Variants in COL27A1 observed in about 807,000 individuals in gnomAD.
The protein encoded by COL27A1 is collagen alpha-1(XXVII) chain.
In COL27A1, 106 loss-of-function variants were observed where a neutral mutation model predicts 251.3. The observed-to-expected ratio is 0.42, with a 90% CI of 0.36 to 0.50. The LOEUF (loss-of-function observed/expected upper bound fraction) is 0.50, where lower values mean the gene tolerates loss of function less well. Among genes scored for constraint, COL27A1 ranks in the 20% least tolerant of loss-of-function variants. COL27A1 has a pLI of 0.00. For synonymous variants in COL27A1, 1,000 were observed against 986.3 expected (o/e 1.01, Z -0.26); for missense variants, 2,325 against 2,522.8 (o/e 0.92, Z 1.68).
chr9:114,252,493 A>G (rs532435542), intron 25 of COL27A1, 100 bp from the exon 26 acceptor site: 3 of 976,110 alleles, frequency 3.1e-6, no homozygotes, highest in South Asian at 1.3e-5. Flanking sequence ...GCAAACCCCT[A>G]CCTCTCTTTG....
chr9:114,258,140 G>GCACT (rs1444884990), intron 27 of COL27A1, among the ~76,000 whole-genome samples: 2 of 152,192 alleles, frequency 1.3e-5, no homozygotes, highest in African/African-American at 2.4e-5. Flanking sequence ...AGGCTGCACT[G>GCACT]CACTCCAGCC....
intron 2 of COL27A1, 98 bp downstream of exon 2, chr9:114,162,883 C>T: frequency 2.6e-6 from 2 of 782,292 alleles, no homozygotes; most frequent in East Asian, 2.5e-5. Context: ...AATTGGAACT[C>T]AATGCCTCAG....
rs920537369 is a variant in COL27A1 at position 114,162,626 on chromosome 9, A to G, written c.63-89A>G. On this transcript the variant is annotated intron_variant, in intron 1 of 60. Coordinates refer to ENST00000356083, the MANE Select transcript of COL27A1 (RefSeq NM_032888.4). Reference sequence around the variant, plus strand: ...TGGGCAGGACTGGGGTGAGACTGGGACTGGTTTCCACTCCCAGCTTCCCCA... The same window carrying G: ...TGGGCAGGACTGGGGTGAGACTGGGGCTGGTTTCCACTCCCAGCTTCCCCA... 4.4e-5 allele frequency: 41 copies of G among 927,538 alleles called. No individual in the cohort carries two copies. In the African/African-American group the frequency reaches 6.4e-4, roughly 14 times the overall value. 57.5% of individuals were successfully genotyped at this position (927,538 alleles called of 1,614,324 possible).
At chr9:114,308,097 A>G (rs1024390881) in intron 59 of COL27A1, among the ~76,000 whole-genome samples, 1 of 152,012 alleles carries the variant, frequency 6.6e-6, no homozygotes, top group Non-Finnish European at 1.5e-5. Context: ...TCAGCATGAA[A>G]TAAAAGAGAA....
intron 44 of COL27A1, 80 bp downstream of exon 44, chr9:114,289,047 T>A: frequency 1.3e-6 from 2 of 1,536,934 alleles, no homozygotes; most frequent in Non-Finnish European, 1.8e-6. Context: ...CTAGGCCCTT[T>A]AAAGCTTAAA....
chr9:114,171,891 C>A (rs1433095072), intron 3 of COL27A1, among the ~76,000 whole-genome samples: 1 of 152,194 alleles, frequency 6.6e-6, no homozygotes, highest in Non-Finnish European at 1.5e-5. Context: ...CCCTGCCCCA[C>A]AGATGATCCA....
At position 114,290,891 on chromosome 9, in the gene COL27A1, G is replaced by A; in HGVS notation, c.4450G>A (p.Gly1484Arg). Residue 1484 changes from glycine to arginine, a missense_variant, in exon 48 of 61, where the codon GGA becomes AGA. Gly to Arg is a moderately radical substitution (Grantham distance 125). This residue lies in a region of COL27A1 where 153 missense variants were observed against 140.7 expected (regional missense o/e 1.09). Transcript: ENST00000356083. The surrounding 1 kb of genome is among the most constrained non-coding windows in gnomAD (Gnocchi z 4.6). ...RGNPGVAGLP[G>R]AQGPPGFKGE... The stretch of plus-strand genomic sequence containing the variant: ...AAATCCAGGTGTGGCCGGCTTACCT[G>A]GAGCACAGGGACCCCCAGGATTCAA... The A allele has an allele frequency of 1.9e-6, 3 of 1,551,584 alleles. No homozygotes were observed. The highest frequency in any genetic ancestry group is 2.6e-6 in the Non-Finnish European group (3 of 1,146,968).
At position 114,278,401 on chromosome 9, in the gene COL27A1, G is replaced by A. The variant is rs980960145; in HGVS notation, c.3717+2633G>A. Reference sequence around the variant, plus strand: ...TGAGGGTGATGATGGTGCTGGTGGCGATGGTGGTGGTGATAGTGATAGTGG... The same window carrying A: ...TGAGGGTGATGATGGTGCTGGTGGCAATGGTGGTGGTGATAGTGATAGTGG... On this transcript the variant is annotated intron_variant, in intron 37 of 60. Transcript: ENST00000356083. 4.0e-4 allele frequency among the ~76,000 whole-genome samples: 38 copies of A among 95,716 alleles called. 3 individuals carry two copies. The highest frequency in any genetic ancestry group is 4.8e-3 in the Middle Eastern group (1 of 208). 62.8% of individuals were successfully genotyped at this position (95,716 alleles called of 152,430 possible). A position where few individuals can be genotyped will look rare whatever the true frequency, so the allele number is the denominator to read the frequency against.
intron 5 of COL27A1, among the ~76,000 whole-genome samples, chr9:114,191,202 G>C (rs1828723337): frequency 6.6e-6 from 1 of 152,134 alleles, no homozygotes. Context: ...AAAATGTAAA[G>C]AGTTCAGGCT....
At chr9:114,281,510 G>A (rs1187803641) in intron 37 of COL27A1, among the ~76,000 whole-genome samples, 3 of 152,256 alleles carry the variant, frequency 2.0e-5, no homozygotes, top group East Asian at 1.9e-4. Context: ...GGACTCCAAG[G>A]AAAGTGGGAG....
intron 3 of COL27A1, among the ~76,000 whole-genome samples, chr9:114,170,073 A>G (rs1560538): frequency 0.27 from 40,837 of 152,190 alleles, 5,707 homozygotes; most frequent in Middle Eastern, 0.41. Context: ...ATGGTGCTTG[A>G]GCCACCCCGT....
At chr9:114,222,193 G>A (rs1831159304) in intron 13 of COL27A1, 30 bp from the exon 14 acceptor site, 4 of 1,610,938 alleles carry the variant, frequency 2.5e-6, no homozygotes, top group Non-Finnish European at 3.4e-6. Flanking sequence ...GATGGGACAA[G>A]TAACCACCTT....
intron 3 of COL27A1, among the ~76,000 whole-genome samples, chr9:114,173,111 G>C (rs1004452516): frequency 3.9e-5 from 6 of 151,936 alleles, no homozygotes; most frequent in Admixed American, 2.0e-4. Context: ...AGCCCCAGGA[G>C]GGGGGAACAT....
rs1157188700 is a variant in COL27A1 at position 114,309,510 on chromosome 9, T to C, written c.5436+32T>C. 4 of 1,561,598 alleles carry C rather than the reference T, an allele frequency of 2.6e-6. No individual in the cohort carries two copies. The South Asian group carries it at 4.5e-5, about 17-fold the overall frequency. Reference sequence around the variant, plus strand: ...CTCAGAGCCCCTCCTAGGCCCTTCATGTGGGGACAACTGGAAAAACACTTG... The same window carrying C: ...CTCAGAGCCCCTCCTAGGCCCTTCACGTGGGGACAACTGGAAAAACACTTG... On this transcript the variant is annotated intron_variant, in intron 60 of 60. Coordinates refer to ENST00000356083, the MANE Select transcript of COL27A1 (RefSeq NM_032888.4).
chr9:114,195,717 T>C (rs1829074626), intron 6 of COL27A1, among the ~76,000 whole-genome samples: 1 of 152,232 alleles, frequency 6.6e-6, no homozygotes, highest in Non-Finnish European at 1.5e-5. Flanking sequence ...TGGTGTCTTC[T>C]GCTGAAGCCC....
intron 14 of COL27A1, among the ~76,000 whole-genome samples, chr9:114,225,439 T>C (rs1323620067): frequency 6.6e-6 from 1 of 152,204 alleles, no homozygotes; most frequent in African/African-American, 2.4e-5. Context: ...ACTGCCAAGA[T>C]GAAGTGTCCT....
At chr9:114,225,835 G>A (rs556416086) in intron 14 of COL27A1, among the ~76,000 whole-genome samples, 7 of 152,330 alleles carry the variant, frequency 4.6e-5, no homozygotes, top group East Asian at 1.9e-4. Flanking sequence ...GAGGAAGGGC[G>A]TGAGAGGACA....
chr9:114,309,188 G>A (rs1046179777), intron 59 of COL27A1, 72 bp from the exon 60 acceptor site: 5 of 1,248,262 alleles, frequency 4.0e-6, no homozygotes, highest in Middle Eastern at 1.9e-4. Flanking sequence ...CCTCCATAGA[G>A]AGGCAGGGAA....
chr9:114,307,737 C>T lies in COL27A1; in HGVS notation c.5176C>T (p.His1726Tyr). The T allele has an allele frequency of 1.2e-6, 2 of 1,614,168 alleles. No individual in the cohort carries two copies. Among genetic ancestry groups the T allele is most frequent in the Non-Finnish European group, 1.7e-6 (2 of 1,180,010 alleles). ...DTIEVSCNFT[H>Y]GGQTCLKPIT... ...CATCGAGGTCTCCTGCAACTTCACTCATGGTGGACAGACGTGTCTCAAGCC... is the reference window on the plus strand; with the variant it reads ...CATCGAGGTCTCCTGCAACTTCACTTATGGTGGACAGACGTGTCTCAAGCC... The change falls in exon 59 of 61, where the codon CAT (histidine) becomes TAT (tyrosine). Residue 1726 changes from histidine (H) to tyrosine (Y), a missense_variant. By Grantham distance (83) the His-to-Tyr change is moderately conservative (BLOSUM62 2). Transcript: ENST00000356083.
Sources: gnomAD v4.1 joint callset for allele counts (sites outside exome capture counted in the v4.1 genomes callset) on GRCh38, gnomAD v4.1.1 for gene constraint, gnomAD v4.1.1 regional missense constraint, Gnocchi (gnomAD v3.1) non-coding constraint, MANE v1.5 for transcripts, NCBI Gene and HGNC (gene_info 2026-07-23, HGNC 2026-07-21) for gene names.